SGCE: variants seen among roughly 807,000 people sequenced by gnomAD.
SGCE encodes epsilon-sarcoglycan.
SGCE carries 26 observed loss-of-function variants against 57.8 expected under a neutral mutation model. That is an observed-to-expected ratio of 0.45 (90% confidence interval 0.33 to 0.62). The LOEUF is 0.62. SGCE is among the 20% of genes least tolerant of loss of function. The pLI is 0.02. For missense variants in SGCE, 468 were observed against 548.6 expected (o/e 0.85, Z 1.47); for synonymous variants, 183 against 189.5 (o/e 0.97, Z 0.28).
chr7:94,618,688 A>G lies in SGCE; in HGVS notation c.662+70T>C. 2.3e-6 allele frequency: 3 copies of G among 1,306,652 alleles called. 1 individual carries two copies. The South Asian group carries it at 3.7e-5, about 16-fold the overall frequency. 80.9% of individuals were successfully genotyped at this position (1,306,652 alleles called of 1,614,324 possible). On this transcript the variant is annotated intron_variant, in intron 5 of 10. Transcript: ENST00000648936. Reference sequence around the variant, plus strand: ...AAATGCAATAGGCCATCTTCCATCTATAATAAGTTTGATAAGATCACCGTA... The same window carrying G: ...AAATGCAATAGGCCATCTTCCATCTGTAATAAGTTTGATAAGATCACCGTA...
rs542040347 is a variant in SGCE, at chr7:94,628,713, G to A, written c.233-354C>T. 172 of 250,604 alleles carry A rather than the reference G, an allele frequency of 6.9e-4. 1 individual carries two copies. Among genetic ancestry groups the A allele is most frequent in the African/African-American group, 3.5e-3 (153 of 43,816 alleles). The allele number at this position is 250,604 out of a possible 1,614,324, so 15.5% of individuals were successfully genotyped here. ...TACTCATTCTTTTGCGAAATATTCC[G>A]TTCATGAAACTCTGGACACTATCAT... is the stretch of plus-strand genomic sequence containing the variant. On this transcript the variant is annotated intron_variant, in intron 2 of 10. Coordinates refer to ENST00000648936, the MANE Select transcript of SGCE (RefSeq NM_003919.3).
chr7:94,635,896 G>A (rs1394306743), intron 1 of SGCE, among the ~76,000 whole-genome samples: 2 of 152,008 alleles, frequency 1.3e-5, no homozygotes, highest in East Asian at 1.9e-4. Flanking sequence ...TCAAAGTACT[G>A]CAGGCCATTC....
At chr7:94,622,840 T>C (rs1803026314) in intron 4 of SGCE, among the ~76,000 whole-genome samples, 1 of 152,118 alleles carries the variant, frequency 6.6e-6, no homozygotes, top group Admixed American at 6.6e-5. Context: ...AGGAAGGAAA[T>C]TGTACCCTAA....
At chr7:94,604,807 A>ATATATATG in intron 5 of SGCE, among the ~76,000 whole-genome samples, 2 of 2,908 alleles carry the variant, frequency 6.9e-4, no homozygotes, top group Non-Finnish European at 1.6e-3. Flanking sequence ...TGGTGCTGGA[A>ATATATATG]TATATATATA....
chr7:94,626,159 G>A (rs1052716412), intron 3 of SGCE: 16 of 151,954 alleles, frequency 1.1e-4, no homozygotes, highest in African/African-American at 1.9e-4. Context: ...GCAGGATTTC[G>A]TTTTTATTTT....
intron 5 of SGCE, among the ~76,000 whole-genome samples, chr7:94,611,807 C>A (rs1801090629): frequency 6.6e-6 from 1 of 152,100 alleles, no homozygotes; most frequent in Admixed American, 6.6e-5. Flanking sequence ...TTCATTTGCT[C>A]TACACATCAA....
At chr7:94,644,181 C>T (rs1032766888) in intron 1 of SGCE, among the ~76,000 whole-genome samples, 2 of 152,222 alleles carry the variant, frequency 1.3e-5, no homozygotes, top group South Asian at 4.1e-4. Flanking sequence ...GCCAGGATAT[C>T]ACTGTACATA....
rs1325806490 is a variant in SGCE, at chr7:94,618,790, C to A, written c.630G>T (p.Arg210Ser). ...TCAGGTCATTAATGGGAAGTGGCAC[C>A]CTGCCACCCCTGTCTAGGGCCGATG... ...NITSALDRGG[R>S]VPLPINDLKE... Residue 210 changes from arginine (R) to serine (S), a missense_variant, in exon 5 of 11, where the codon AGG becomes AGT. Transcript: ENST00000648936. 1 of 1,613,800 alleles carries A rather than the reference C, an allele frequency of 6.2e-7. No homozygotes were observed. Among genetic ancestry groups the A allele is most frequent in the Non-Finnish European group, 8.5e-7 (1 of 1,179,920 alleles).
intron 5 of SGCE, chr7:94,617,721 G>A (rs1290159348): frequency 6.6e-6 from 1 of 152,158 alleles, no homozygotes; most frequent in African/African-American, 2.4e-5. Flanking sequence ...CTATAAAACA[G>A]AAGATAAAAT....
chr7:94,585,637 T>C, intron 10 of SGCE, 122 bp from the exon 11 acceptor site: 1 of 707,070 alleles, frequency 1.4e-6, no homozygotes, highest in East Asian at 2.5e-5. Context: ...TGTAAAATAA[T>C]TACATTGCAT....
At chr7:94,634,074 T>C (rs1805164640) in intron 1 of SGCE, among the ~76,000 whole-genome samples, 1 of 152,288 alleles carries the variant, frequency 6.6e-6, no homozygotes, top group East Asian at 1.9e-4. Context: ...TCATAAAGTA[T>C]TGTCAATATT....
chr7:94,633,176 C>T lies in SGCE; in HGVS notation c.110-3335G>A, dbSNP rs189506197. Reference sequence around the variant, plus strand: ...CAAATCCATTACCTCTGCAAACATACGCCACTAGATATAAATGAAACTGGA... The same window carrying T: ...CAAATCCATTACCTCTGCAAACATATGCCACTAGATATAAATGAAACTGGA... On this transcript the variant is annotated intron_variant, in intron 1 of 10. Coordinates refer to ENST00000648936, the MANE Select transcript of SGCE (RefSeq NM_003919.3). Among the ~76,000 whole-genome samples the T allele has an allele frequency of 4.6e-4, 70 of 151,940 alleles. 2 individuals are homozygous for T. In the South Asian group the frequency reaches 9.8e-3, roughly 21 times the overall value.
chr7:94,602,199 C>A (rs1297695928), intron 6 of SGCE, among the ~76,000 whole-genome samples: 1 of 152,016 alleles, frequency 6.6e-6, no homozygotes, highest in Admixed American at 6.6e-5. Context: ...GTCTCCTGCA[C>A]CCTTGTATCG....
intron 1 of SGCE, among the ~76,000 whole-genome samples, chr7:94,639,656 A>G (rs1194811032): frequency 6.6e-6 from 1 of 152,204 alleles, no homozygotes; most frequent in East Asian, 1.9e-4. Context: ...CTGCCCCTGA[A>G]GGAGCTTACA....
intron 10 of SGCE, 148 bp from the exon 11 acceptor site, chr7:94,585,663 G>C (rs1259049280): frequency 3.1e-6 from 2 of 635,182 alleles, no homozygotes; most frequent in Non-Finnish European, 5.7e-6. Flanking sequence ...CTCTGTATTT[G>C]GTTTTTTTAA....
At chr7:94,599,825 T>C (rs879450479) in intron 7 of SGCE, 102 bp from the exon 8 acceptor site, 3 of 892,286 alleles carry the variant, frequency 3.4e-6, no homozygotes, top group Non-Finnish European at 5.6e-6. Flanking sequence ...AATGCTGACA[T>C]TGTCACTATT....
chr7:94,615,420 A>G (rs1001227344), intron 5 of SGCE, among the ~76,000 whole-genome samples: 1 of 132,608 alleles, frequency 7.5e-6, no homozygotes, highest in African/African-American at 2.7e-5. Flanking sequence ...ATAGATAGAT[A>G]GATAAAGGGC....
chr7:94,655,720 T>C (rs866391258), intron 1 of SGCE, among the ~76,000 whole-genome samples: 4 of 149,902 alleles, frequency 2.7e-5, no homozygotes, highest in African/African-American at 9.8e-5. Context: ...GAACAGGAAT[T>C]GGAGATGGAA....
At position 94,615,697 on chromosome 7, in the gene SGCE, G is replaced by A. The variant is rs567240193; in HGVS notation, c.662+3061C>T. On this transcript the variant is annotated intron_variant, in intron 5 of 10. Transcript: ENST00000648936. ...GCTTTGGTAACCAGAGGAAATAGTG[G>A]TAAGTTTGACAATCTCTTAGGAAAA... 6.6e-5 allele frequency among the ~76,000 whole-genome samples: 10 copies of A among 152,292 alleles called. No homozygotes were observed. The South Asian group carries it at 2.1e-3, about 32-fold the overall frequency.
Sources: allele counts gnomAD v4.1 joint callset (sites outside exome capture counted in the v4.1 genomes callset), GRCh38; gene constraint gnomAD v4.1.1; transcripts MANE v1.5; gene names NCBI Gene and HGNC (gene_info 2026-07-23, HGNC 2026-07-21).